The following RFTN1 variants were observed in gnomAD, a reference collection of about 807,000 sequenced individuals.
RFTN1 encodes raftlin.
In RFTN1, 26 loss-of-function variants were observed where a neutral mutation model predicts 46.5. The ratio of observed to expected loss-of-function variants is 0.56; its 90% confidence interval spans 0.41 to 0.78. RFTN1 has a LOEUF of 0.78. Ranked by LOEUF, RFTN1 falls within the 30% of genes least tolerant of loss-of-function variation. The pLI is 0.00. For missense variants in RFTN1, 693 were observed against 718.7 expected (o/e 0.96, Z 0.41); for synonymous variants, 261 against 284.2 (o/e 0.92, Z 0.82).
intron 5 of RFTN1, among the ~76,000 whole-genome samples, chr3:16,375,746 C>G (rs567963703): frequency 6.6e-6 from 1 of 152,308 alleles, no homozygotes; most frequent in Non-Finnish European, 1.5e-5. Context: ...CTGGCCTACC[C>G]GTGCAGAGCT....
At position 16,344,430 on chromosome 3, in the gene RFTN1, T is replaced by C. The variant is rs116023846; in HGVS notation, c.1146+13502A>G. On this transcript the variant is annotated intron_variant, in intron 7 of 9. Transcript: ENST00000334133. The surrounding 1 kb of genome is among the most constrained non-coding windows in gnomAD (Gnocchi z 4.4). The stretch of plus-strand genomic sequence containing the variant: ...CAGATACATTCAGAAAAGGCGGCTC[T>C]GGTTGACACTGGCATGGGTGGGTGG... 0.02 allele frequency among the ~76,000 whole-genome samples: 2,989 copies of C among 152,252 alleles called. 98 individuals carry two copies. Among genetic ancestry groups the C allele is most frequent in the African/African-American group, 0.067 (2,787 of 41,502 alleles).
Position 16,451,442 on chromosome 3 carries a change from G to A in RFTN1, c.146-17405C>T, listed in dbSNP as rs1204771358. On this transcript the variant is annotated intron_variant, in intron 2 of 9. Coordinates refer to ENST00000334133, the MANE Select transcript of RFTN1 (RefSeq NM_015150.2). This position sits in a 1 kb window ranked among gnomAD's most constrained non-coding sequence, Gnocchi z 4.2. ...CTGGCTTGTAGGCTAACCAACAGCTGGCTAGGTGTAGTCTCAAACCTGTTT... is the reference window on the plus strand; with the variant it reads ...CTGGCTTGTAGGCTAACCAACAGCTAGCTAGGTGTAGTCTCAAACCTGTTT... Among the ~76,000 whole-genome samples the A allele has an allele frequency of 6.6e-6, 1 of 152,186 alleles. No individual in the cohort carries two copies. Among genetic ancestry groups the A allele is most frequent in the Non-Finnish European group, 1.5e-5 (1 of 68,036 alleles).
chr3:16,405,821 A>G (rs2074843558), intron 4 of RFTN1, among the ~76,000 whole-genome samples: 1 of 152,176 alleles, frequency 6.6e-6, no homozygotes, highest in African/African-American at 2.4e-5. Context: ...TGACAAAACG[A>G]GTTAATTACC....
intron 3 of RFTN1, among the ~76,000 whole-genome samples, chr3:16,414,432 C>G (rs1460414304): frequency 6.6e-6 from 1 of 151,732 alleles, no homozygotes; most frequent in Non-Finnish European, 1.5e-5. Context: ...CATGGCAAAC[C>G]CCCATCTCTA....
chr3:16,479,028 G>A lies in RFTN1; in HGVS notation c.145+14697C>T, dbSNP rs1251562620. ...CAAGGCCGTGGATACCAGTAGGCAG[G>A]GGTCACTGGGGGCCATCTTGGCAGA... On this transcript the variant is annotated intron_variant, in intron 2 of 9. Coordinates refer to ENST00000334133, the MANE Select transcript of RFTN1 (RefSeq NM_015150.2). The surrounding 1 kb of genome is among the most constrained non-coding windows in gnomAD (Gnocchi z 5.1). Among the ~76,000 whole-genome samples the A allele has an allele frequency of 6.6e-6, 1 of 152,184 alleles. No individual in the cohort carries two copies. Among genetic ancestry groups the A allele is most frequent in the Non-Finnish European group, 1.5e-5 (1 of 68,042 alleles).
intron 5 of RFTN1, among the ~76,000 whole-genome samples, chr3:16,373,228 G>A (rs533392140): frequency 1.2e-4 from 19 of 152,200 alleles, no homozygotes; most frequent in Non-Finnish European, 2.6e-4. Flanking sequence ...AATGTTCTGG[G>A]AGTGGCTGAA....
chr3:16,496,770 G>A (rs778508497), intron 1 of RFTN1, among the ~76,000 whole-genome samples: 5 of 152,076 alleles, frequency 3.3e-5, no homozygotes, highest in African/African-American at 7.2e-5. Flanking sequence ...CGAAAGACAC[G>A]TATGAGAAAG....
At chr3:16,482,620 T>A in intron 2 of RFTN1, 1 of 854,238 alleles carries the variant, frequency 1.2e-6, no homozygotes. Context: ...TTAGGTAACC[T>A]CACTGAGCCT....
rs117329788 is a variant in RFTN1 at position 16,442,466 on chromosome 3, T to C, written c.146-8429A>G. 8.5e-5 allele frequency among the ~76,000 whole-genome samples: 13 copies of C among 152,334 alleles called. No homozygotes were observed. The East Asian group carries it at 2.5e-3, about 29-fold the overall frequency. ...TTTAAATTTTAATGGATTTTTGTTG[T>C]GTATATTCAAGGTGTACAACATGAT... On this transcript the variant is annotated intron_variant, in intron 2 of 9. Coordinates refer to ENST00000334133, the MANE Select transcript of RFTN1 (RefSeq NM_015150.2). The surrounding 1 kb of genome is among the most constrained non-coding windows in gnomAD (Gnocchi z 4.1).
Position 16,429,754 on chromosome 3 carries a change from G to C in RFTN1, c.332+4097C>G, listed in dbSNP as rs1393622702. 6.6e-6 allele frequency among the ~76,000 whole-genome samples: 1 copy of C among 152,198 alleles called. No homozygotes were observed. Among genetic ancestry groups the C allele is most frequent in the Non-Finnish European group, 1.5e-5 (1 of 68,032 alleles). ...TGTTTCTGGCATATCCCAAAGCCCA[G>C]TTATTTGTTAAAAATTTTATGTGAA... is the stretch of plus-strand genomic sequence containing the variant. On this transcript the variant is annotated intron_variant, in intron 3 of 9. Transcript: ENST00000334133. The surrounding 1 kb of genome is among the most constrained non-coding windows in gnomAD (Gnocchi z 6.4).
intron 2 of RFTN1, among the ~76,000 whole-genome samples, chr3:16,477,396 A>G (rs1050821196): frequency 2.0e-5 from 3 of 152,256 alleles, no homozygotes; most frequent in Admixed American, 6.5e-5. Context: ...AAGAAGACAC[A>G]AGAAACTTTC....
At chr3:16,406,795 A>G (rs2074867832) in intron 4 of RFTN1, among the ~76,000 whole-genome samples, 1 of 152,224 alleles carries the variant, frequency 6.6e-6, no homozygotes. Context: ...ATGCTGTTTC[A>G]CTAAAAGTCA....
rs1361840300 is a variant in RFTN1, at chr3:16,321,842, C to G, written c.1332+1534G>C. Among the ~76,000 whole-genome samples, 1 of 152,182 alleles carries G rather than the reference C, an allele frequency of 6.6e-6. No homozygotes were observed. Among genetic ancestry groups the G allele is most frequent in the African/African-American group, 2.4e-5 (1 of 41,448 alleles). ...TTCAACCTTATTACAGCAGCTTTTA[C>G]AAATCTATCTCTAAAGTCTCCCTGC... On this transcript the variant is annotated intron_variant, in intron 9 of 9. Transcript: ENST00000334133. This position sits in a 1 kb window ranked among gnomAD's most constrained non-coding sequence, Gnocchi z 4.8.
intron 4 of RFTN1, among the ~76,000 whole-genome samples, chr3:16,403,381 T>C (rs753068064): frequency 2.1e-4 from 32 of 151,276 alleles, no homozygotes; most frequent in Middle Eastern, 6.8e-3. Flanking sequence ...CAAATGAGGA[T>C]AAGTCTTCAC....
chr3:16,442,507 T>G lies in RFTN1; in HGVS notation c.146-8470A>C, dbSNP rs1240461915. 6.6e-6 allele frequency among the ~76,000 whole-genome samples: 1 copy of G among 152,198 alleles called. No homozygotes were observed. Among genetic ancestry groups the G allele is most frequent in the Non-Finnish European group, 1.5e-5 (1 of 68,040 alleles). ...ACAACATGATGCCTCAATGTATATA[T>G]ACTTAGTTCAAATGATTACTACAGT... On this transcript the variant is annotated intron_variant, in intron 2 of 9. Coordinates refer to ENST00000334133, the MANE Select transcript of RFTN1 (RefSeq NM_015150.2). The surrounding 1 kb of genome is among the most constrained non-coding windows in gnomAD (Gnocchi z 4.1).
intron 9 of RFTN1, among the ~76,000 whole-genome samples, chr3:16,319,953 A>C (rs1039538154): frequency 3.3e-5 from 5 of 152,156 alleles, no homozygotes; most frequent in Non-Finnish European, 7.3e-5. Flanking sequence ...CGCAGATAAA[A>C]CAGGTTGCAC....
At chr3:16,441,718 C>T (rs2075627859) in intron 2 of RFTN1, among the ~76,000 whole-genome samples, 1 of 152,236 alleles carries the variant, frequency 6.6e-6, no homozygotes, top group Admixed American at 6.5e-5. Flanking sequence ...ATTACATCCG[C>T]TAATGGATCT....
chr3:16,480,008 T>A lies in RFTN1; in HGVS notation c.145+13717A>T, dbSNP rs2076339098. Among the ~76,000 whole-genome samples the A allele has an allele frequency of 6.6e-6, 1 of 152,144 alleles. No individual in the cohort carries two copies. On this transcript the variant is annotated intron_variant, in intron 2 of 9. Coordinates refer to ENST00000334133, the MANE Select transcript of RFTN1 (RefSeq NM_015150.2). This position sits in a 1 kb window ranked among gnomAD's most constrained non-coding sequence, Gnocchi z 4.3. ...GGACATTAAAAACTCCAGAATTTGG[T>A]GGGATGTTTCAGACGCTGTTTCCTA...
Position 16,428,141 on chromosome 3 carries a change from T to G in RFTN1, c.332+5710A>C, listed in dbSNP as rs897790225. Among the ~76,000 whole-genome samples the G allele has an allele frequency of 2.0e-5, 3 of 152,200 alleles. No homozygotes were observed. Among genetic ancestry groups the G allele is most frequent in the Non-Finnish European group, 4.4e-5 (3 of 68,024 alleles). ...CTTAGAAAAATCCAAACAAAAGGGA[T>G]AAATGTTTACCACTTAAAACAGTGC... On this transcript the variant is annotated intron_variant, in intron 3 of 9. Transcript: ENST00000334133. The surrounding 1 kb of genome is among the most constrained non-coding windows in gnomAD (Gnocchi z 4.7).
Sources: allele counts gnomAD v4.1 joint callset (sites outside exome capture counted in the v4.1 genomes callset), GRCh38; gene constraint gnomAD v4.1.1; non-coding constraint Gnocchi (gnomAD v3.1); transcripts MANE v1.5; gene names NCBI Gene and HGNC (gene_info 2026-07-23, HGNC 2026-07-21).